SIPA1L2: variants seen among roughly 807,000 people sequenced by gnomAD.
SIPA1L2 encodes signal induced proliferation associated 1 like 2.
In SIPA1L2, 56 loss-of-function variants were observed where a neutral mutation model predicts 163.9. The observed-to-expected ratio is 0.34, with a 90% confidence interval of 0.28 to 0.43. The LOEUF (loss-of-function observed/expected upper bound fraction) is 0.43, where lower values mean the gene tolerates loss of function less well. Among genes scored for constraint, SIPA1L2 ranks in the 20% least tolerant of loss-of-function variants. SIPA1L2 has a pLI of 1.00. For missense variants in SIPA1L2, 1,974 were observed against 2,193.5 expected, an observed-to-expected ratio of 0.90 and a Z score of 2.00; for synonymous variants, 877 against 865.7, an observed-to-expected ratio of 1.01 and a Z score of -0.23.
intron 1 of SIPA1L2, among the ~76,000 whole-genome samples, chr1:232,624,196 TTTGAGAACC>T (rs1446202665): frequency 6.6e-6 from 1 of 152,010 alleles, no homozygotes; most frequent in Admixed American, 6.6e-5. Context: ...TTGAAAAAAG[TTTGAGAACC>T]TTGAGAACCT....
chr1:232,591,402 T>A (rs1393707264), intron 1 of SIPA1L2, among the ~76,000 whole-genome samples: 1 of 152,116 alleles, frequency 6.6e-6, no homozygotes, highest in African/African-American at 2.4e-5. Context: ...GTGCTGCCCA[T>A]TACCTGTTCT....
At position 232,515,269 on chromosome 1, in the gene SIPA1L2, G is replaced by T. The variant is rs905332239; in HGVS notation, c.71C>A (p.Pro24His). The part of the protein sequence containing the change: ...LGRASSKFKD[P>H]PRIMQSDDYF... The stretch of plus-strand genomic sequence containing the variant: ...ATCATCTGACTGCATGATTCTAGGG[G>T]GATCCTTGAACTTTGAAGAGGCTCT... The change falls in exon 3 of 23, where the codon CCC (proline) becomes CAC (histidine). Residue 24 changes from proline (P) to histidine (H), a missense_variant. This residue lies in a region of SIPA1L2 where 607 missense variants were observed against 624.0 expected (regional missense o/e 0.97). Coordinates refer to ENST00000674635, the MANE Select transcript of SIPA1L2 (RefSeq NM_020808.5). The T allele has an allele frequency of 6.2e-7, 1 of 1,613,700 alleles. No homozygotes were observed.
At chr1:232,446,001 C>T (rs965010744) in intron 10 of SIPA1L2, among the ~76,000 whole-genome samples, 13 of 152,172 alleles carry the variant, frequency 8.5e-5, no homozygotes, top group African/African-American at 2.4e-4. Context: ...GCAATGACTG[C>T]GTCTAGAAAT....
intron 2 of SIPA1L2, among the ~76,000 whole-genome samples, chr1:232,538,899 G>A (rs1657473018): frequency 6.6e-6 from 1 of 152,154 alleles, no homozygotes; most frequent in Non-Finnish European, 1.5e-5. Context: ...AGCGTATATA[G>A]AATATCATGT....
chr1:232,581,405 G>A (rs1001136898), intron 1 of SIPA1L2, among the ~76,000 whole-genome samples: 2 of 152,150 alleles, frequency 1.3e-5, no homozygotes, highest in African/African-American at 4.8e-5. Flanking sequence ...AGATCACAGA[G>A]AAAGGGCTGT....
chr1:232,610,024 CT>C (rs1353843177), intron 1 of SIPA1L2, among the ~76,000 whole-genome samples: 1 of 152,046 alleles, frequency 6.6e-6, no homozygotes, highest in African/African-American at 2.4e-5. Context: ...CTGTGACTCA[CT>C]TTATTCATCT....
chr1:232,425,046 A>G (rs551527066), intron 18 of SIPA1L2, among the ~76,000 whole-genome samples: 7 of 152,310 alleles, frequency 4.6e-5, no homozygotes, highest in African/African-American at 1.7e-4. Context: ...GTAAGTTGAA[A>G]TAAGCGGGGA....
chr1:232,528,454 A>C (rs1463600844), intron 2 of SIPA1L2, among the ~76,000 whole-genome samples: 1 of 152,178 alleles, frequency 6.6e-6, no homozygotes, highest in East Asian at 1.9e-4. Context: ...ACAAAACACA[A>C]ACATTACTGG....
chr1:232,490,952 C>T lies in SIPA1L2; in HGVS notation c.1728G>A (p.Glu576=), dbSNP rs776162236. The T allele has an allele frequency of 6.2e-7, 1 of 1,614,186 alleles. No homozygotes were observed. Among genetic ancestry groups the T allele is most frequent in the East Asian group, 2.2e-5 (1 of 44,888 alleles). ...LKEVLEYVIP[E]LSIQCLRQAS... Reference sequence around the variant, plus strand: ...CCTGTCGCAAACACTGAATGCTCAGCTCTGGAATGACGTATTCCAAAACTT... The same window carrying T: ...CCTGTCGCAAACACTGAATGCTCAGTTCTGGAATGACGTATTCCAAAACTT... The change falls in exon 5 of 23, where the codon GAG becomes GAA. Residue 576 remains glutamate, a synonymous_variant. Transcript: ENST00000674635.
chr1:232,599,705 G>A (rs1415826273), intron 1 of SIPA1L2, among the ~76,000 whole-genome samples: 1 of 152,106 alleles, frequency 6.6e-6, no homozygotes, highest in African/African-American at 2.4e-5. Context: ...CTGTAGCCCC[G>A]GGCAAAGCTG....
rs904840546 is a variant in SIPA1L2 at position 232,578,829 on chromosome 1, T to C, written c.-318-4607A>G. Among the ~76,000 whole-genome samples the C allele has an allele frequency of 3.3e-5, 5 of 152,184 alleles. No homozygotes were observed. In the East Asian group the frequency reaches 5.8e-4, roughly 18 times the overall value. On this transcript the variant is annotated intron_variant, in intron 1 of 22. Coordinates refer to ENST00000674635, the MANE Select transcript of SIPA1L2 (RefSeq NM_020808.5). The stretch of plus-strand genomic sequence containing the variant: ...GAAAGGAAACCACAAATTCTTCAAG[T>C]AGCAATAGGGACTGCAGAGTTTTAC...
At chr1:232,461,232 C>G in intron 9 of SIPA1L2, 71 bp from the exon 10 acceptor site, 1 of 1,558,488 alleles carries the variant, frequency 6.4e-7, no homozygotes, top group South Asian at 1.2e-5. Flanking sequence ...CAAAGGTGCA[C>G]GTATGGGCCT....
Position 232,445,741 on chromosome 1 carries a change from G to A in SIPA1L2, c.3141C>T (p.Leu1047=), listed in dbSNP as rs759596795. The change falls in exon 11 of 23, where the codon CTC becomes CTT. Residue 1047 remains leucine, a synonymous_variant. Transcript: ENST00000674635. The part of the protein sequence containing the change: ...LCRIPMVEYK[L]DSEGTPCEYK... Reference sequence around the variant, plus strand: ...ACTCGCAGGGGGTGCCCTCGCTGTCGAGTTTATATTCCACCATAGGGATCC... The same window carrying A: ...ACTCGCAGGGGGTGCCCTCGCTGTCAAGTTTATATTCCACCATAGGGATCC... The A allele has an allele frequency of 6.2e-6, 10 of 1,613,526 alleles. No homozygotes were observed. The highest frequency in any genetic ancestry group is 8.5e-6 in the Non-Finnish European group (10 of 1,179,942).
At chr1:232,607,644 T>G (rs951288669) in intron 1 of SIPA1L2, among the ~76,000 whole-genome samples, 8 of 152,074 alleles carry the variant, frequency 5.3e-5, no homozygotes, top group Non-Finnish European at 1.2e-4. Flanking sequence ...TTTATTAATC[T>G]TTCCGCCAGT....
intron 1 of SIPA1L2, among the ~76,000 whole-genome samples, chr1:232,620,607 C>T (rs780726109): frequency 2.0e-4 from 30 of 152,164 alleles, no homozygotes; most frequent in Non-Finnish European, 3.2e-4. Flanking sequence ...CATAACCAGA[C>T]GCACAGCGAC....
intron 2 of SIPA1L2, among the ~76,000 whole-genome samples, chr1:232,516,719 A>G (rs929553987): frequency 6.6e-6 from 1 of 152,146 alleles, no homozygotes; most frequent in African/African-American, 2.4e-5. Flanking sequence ...GCTCATCTCA[A>G]AGCCATTAGG....
intron 18 of SIPA1L2, among the ~76,000 whole-genome samples, chr1:232,421,781 C>T (rs1051081992): frequency 1.3e-5 from 2 of 152,200 alleles, no homozygotes; most frequent in Non-Finnish European, 2.9e-5. Context: ...CTCTCCCACT[C>T]TCCCACTTTT....
chr1:232,597,689 C>CA (rs376123118), intron 1 of SIPA1L2, among the ~76,000 whole-genome samples: 798 of 65,382 alleles, frequency 0.012, 27 homozygotes, highest in Non-Finnish European at 0.017. Context: ...AACTCTGTCT[C>CA]AAAAAAAAAA....
At chr1:232,539,036 C>T (rs575436667) in intron 2 of SIPA1L2, among the ~76,000 whole-genome samples, 1 of 152,358 alleles carries the variant, frequency 6.6e-6, no homozygotes, top group East Asian at 1.9e-4. Context: ...CAGTCACATG[C>T]TCTGTTTGTG....
Sources: allele counts gnomAD v4.1 joint callset (sites outside exome capture counted in the v4.1 genomes callset), GRCh38; gene constraint gnomAD v4.1.1; regional missense constraint gnomAD v4.1.1; transcripts MANE v1.5; gene names NCBI Gene and HGNC (gene_info 2026-07-23, HGNC 2026-07-21).